MRPS28: variants seen among roughly 807,000 people sequenced by gnomAD.
MRPS28 encodes small ribosomal subunit protein bS1m.
A neutral mutation model predicts 10.8 loss-of-function variants in MRPS28; 7 were observed. That is an observed-to-expected ratio of 0.65 (90% CI 0.37 to 1.22). The LOEUF (loss-of-function observed/expected upper bound fraction) is 1.22, where lower values mean the gene tolerates loss of function less well. Among genes scored for constraint, MRPS28 ranks in the 50% most tolerant of loss-of-function variants. MRPS28 has a pLI of 0.02. For missense variants in MRPS28, 265 were observed against 232.9 expected (o/e 1.14, Z -0.90); for synonymous variants, 121 against 93.3 (o/e 1.30, Z -1.71).
intron 1 of MRPS28, 189 bp downstream of exon 1, chr8:80,029,847 A>G: frequency 6.5e-7 from 1 of 1,534,998 alleles, no homozygotes; most frequent in Non-Finnish European, 8.7e-7. Context: ...AAGGACAACG[A>G]AAGGAAGAAA....
intron 2 of MRPS28, among the ~76,000 whole-genome samples, chr8:79,981,368 A>T (rs892825882): frequency 2.6e-5 from 4 of 152,230 alleles, no homozygotes; most frequent in African/African-American, 9.6e-5. Context: ...GTATTTAAAA[A>T]ACAAGCTAAA....
intron 2 of MRPS28, among the ~76,000 whole-genome samples, chr8:79,980,657 CA>C (rs1466209246): frequency 6.6e-6 from 1 of 152,180 alleles, no homozygotes; most frequent in Non-Finnish European, 1.5e-5. Context: ...ATAATTGAAA[CA>C]CCCTACCAAT....
At chr8:79,932,781 TC>T (rs1212264874) in intron 2 of MRPS28, among the ~76,000 whole-genome samples, 1 of 152,304 alleles carries the variant, frequency 6.6e-6, no homozygotes, top group South Asian at 2.1e-4. Flanking sequence ...CACGCCACAT[TC>T]CCGGCAGCCA....
chr8:79,949,693 T>C (rs1026296359), intron 2 of MRPS28, among the ~76,000 whole-genome samples: 2 of 152,206 alleles, frequency 1.3e-5, no homozygotes, highest in Non-Finnish European at 2.9e-5. Context: ...TTTCCTCATA[T>C]GACAGAAAAA....
At chr8:80,014,530 C>T (rs1348554695) in intron 1 of MRPS28, among the ~76,000 whole-genome samples, 1 of 152,204 alleles carries the variant, frequency 6.6e-6, no homozygotes, top group Non-Finnish European at 1.5e-5. Flanking sequence ...TGAACCTTGG[C>T]TCTACCGCTT....
At chr8:79,988,649 A>T (rs1196584571) in intron 2 of MRPS28, among the ~76,000 whole-genome samples, 1 of 152,188 alleles carries the variant, frequency 6.6e-6, no homozygotes, top group Non-Finnish European at 1.5e-5. Flanking sequence ...TGTCATTTAT[A>T]GACACATAAA....
At chr8:80,028,459 AAAG>A (rs1809545698) in intron 1 of MRPS28, among the ~76,000 whole-genome samples, 1 of 151,972 alleles carries the variant, frequency 6.6e-6, no homozygotes, top group African/African-American at 2.4e-5. Flanking sequence ...TATATGGTAG[AAAG>A]AATAATGCCC....
chr8:79,973,297 C>T (rs1807686492), intron 2 of MRPS28, among the ~76,000 whole-genome samples: 1 of 151,920 alleles, frequency 6.6e-6, no homozygotes, highest in South Asian at 2.1e-4. Flanking sequence ...TGTGTGTGTA[C>T]ATATATTTAG....
At chr8:79,956,188 T>C (rs1807204502) in intron 2 of MRPS28, among the ~76,000 whole-genome samples, 1 of 152,174 alleles carries the variant, frequency 6.6e-6, no homozygotes, top group African/African-American at 2.4e-5. Context: ...ATTTTGTTGC[T>C]GCTCATCTTA....
At chr8:79,974,350 C>G (rs574216788) in intron 2 of MRPS28, among the ~76,000 whole-genome samples, 2 of 151,978 alleles carry the variant, frequency 1.3e-5, no homozygotes, top group Non-Finnish European at 1.5e-5. Flanking sequence ...ACCATCCTGG[C>G]TAACACGGTG....
At chr8:80,010,078 A>C (rs1020625895) in intron 1 of MRPS28, among the ~76,000 whole-genome samples, 3 of 152,198 alleles carry the variant, frequency 2.0e-5, no homozygotes, top group Non-Finnish European at 2.9e-5. Context: ...CTTTCCGGGA[A>C]TCTTTTTACA....
chr8:79,963,218 A>G (rs1807417197), intron 2 of MRPS28, among the ~76,000 whole-genome samples: 1 of 152,138 alleles, frequency 6.6e-6, no homozygotes, highest in South Asian at 2.1e-4. Flanking sequence ...ATTCTCAAAG[A>G]AAAACATATG....
At chr8:79,989,409 A>G (rs550804566) in intron 2 of MRPS28, among the ~76,000 whole-genome samples, 10 of 152,336 alleles carry the variant, frequency 6.6e-5, no homozygotes, top group Admixed American at 6.5e-4. Flanking sequence ...CTAAGGACAT[A>G]GAAGCAAAGA....
At chr8:80,008,476 G>GT (rs1356710037) in intron 1 of MRPS28, among the ~76,000 whole-genome samples, 1 of 152,210 alleles carries the variant, frequency 6.6e-6, no homozygotes, top group African/African-American at 2.4e-5. Flanking sequence ...TACCATCGGA[G>GT]TGAACAGGCA....
At chr8:80,007,081 G>A (rs1808871465) in intron 1 of MRPS28, among the ~76,000 whole-genome samples, 1 of 152,196 alleles carries the variant, frequency 6.6e-6, no homozygotes, top group Non-Finnish European at 1.5e-5. Flanking sequence ...CCATGATCAA[G>A]TAGGCTTCAT....
At chr8:80,007,289 T>G (rs905716142) in intron 1 of MRPS28, among the ~76,000 whole-genome samples, 3 of 152,160 alleles carry the variant, frequency 2.0e-5, no homozygotes, top group African/African-American at 4.8e-5. Context: ...ATAAGAGCTA[T>G]CTATGAAAAA....
intron 2 of MRPS28, among the ~76,000 whole-genome samples, chr8:79,996,342 T>C (rs1334700324): frequency 6.6e-6 from 1 of 152,218 alleles, no homozygotes; most frequent in Non-Finnish European, 1.5e-5. Context: ...TATTAGCTTA[T>C]TGGGGGTTAC....
intron 2 of MRPS28, among the ~76,000 whole-genome samples, chr8:79,971,892 G>A (rs190480809): frequency 1.6e-4 from 24 of 152,106 alleles, no homozygotes; most frequent in Admixed American, 1.4e-3. Context: ...TAGTAGAGAC[G>A]GGGTTTCACC....
At chr8:79,986,299 A>C (rs1177312748) in intron 2 of MRPS28, among the ~76,000 whole-genome samples, 3 of 152,332 alleles carry the variant, frequency 2.0e-5, no homozygotes, top group South Asian at 2.1e-4. Flanking sequence ...CTATCTATGA[A>C]AAACCCACAG....
Sources: gnomAD v4.1 joint callset for allele counts (sites outside exome capture counted in the v4.1 genomes callset) on GRCh38, gnomAD v4.1.1 for gene constraint, MANE v1.5 for transcripts, NCBI Gene and HGNC (gene_info 2026-07-23, HGNC 2026-07-21) for gene names.